The following ELMO1 variants were observed in gnomAD, a reference collection of about 807,000 sequenced individuals.
ELMO1 encodes engulfment and cell motility 1.
In ELMO1, 26 loss-of-function variants were observed where a neutral mutation model predicts 98.9. That is an observed-to-expected ratio of 0.26 (90% confidence interval 0.19 to 0.36). The LOEUF (loss-of-function observed/expected upper bound fraction) is 0.36, where lower values mean the gene tolerates loss of function less well. Ranked by LOEUF, ELMO1 falls within the 10% of genes least tolerant of loss-of-function variation. The probability of loss-of-function intolerance (pLI) is 1.00; values close to 1 mark genes in which losing one functional copy is unlikely to be tolerated. For synonymous variants in ELMO1, 346 were observed against 346.0 expected, an observed-to-expected ratio of 1.00 and a Z score of 0.00; for missense variants, 627 against 935.2, an observed-to-expected ratio of 0.67 and a Z score of 4.30.
chr7:37,441,003 A>C (rs1003667039), intron 1 of ELMO1, among the ~76,000 whole-genome samples: 5 of 152,080 alleles, frequency 3.3e-5, no homozygotes, highest in Admixed American at 2.6e-4. Context: ...CCAAAAACAA[A>C]AAAAAAATTA....
At chr7:37,035,718 G>A (rs944227353) in intron 15 of ELMO1, among the ~76,000 whole-genome samples, 3 of 152,162 alleles carry the variant, frequency 2.0e-5, no homozygotes, top group Non-Finnish European at 4.4e-5. Context: ...AGGCTTAAAG[G>A]ATTACACTAA....
chr7:37,309,571 G>A (rs575146216), intron 4 of ELMO1, among the ~76,000 whole-genome samples: 14 of 152,324 alleles, frequency 9.2e-5, no homozygotes, highest in African/African-American at 2.4e-4. Context: ...AAGGCAGCAC[G>A]AAAGGGAATG....
chr7:37,335,316 G>A (rs971499548), intron 2 of ELMO1, among the ~76,000 whole-genome samples: 3 of 152,072 alleles, frequency 2.0e-5, no homozygotes, highest in Admixed American at 2.0e-4. Flanking sequence ...GGGCATTCAA[G>A]GTGGCATACT....
chr7:37,315,843 T>C, intron 3 of ELMO1, 77 bp downstream of exon 3: 1 of 1,275,092 alleles, frequency 7.8e-7, no homozygotes. Flanking sequence ...AATATTTTAC[T>C]ATCCTACTGG....
chr7:37,044,011 G>A (rs1222616416), intron 15 of ELMO1, among the ~76,000 whole-genome samples: 1 of 152,146 alleles, frequency 6.6e-6, no homozygotes. Context: ...CAGACTCAAC[G>A]AGGAGGAGGG....
chr7:37,114,637 A>G (rs1325161338), intron 14 of ELMO1, among the ~76,000 whole-genome samples: 2 of 152,218 alleles, frequency 1.3e-5, no homozygotes, highest in Non-Finnish European at 2.9e-5. Context: ...CAAAATATCA[A>G]TGAGGAATTC....
chr7:37,172,441 G>A (rs1157778767), intron 13 of ELMO1, among the ~76,000 whole-genome samples: 1 of 152,138 alleles, frequency 6.6e-6, no homozygotes, highest in Non-Finnish European at 1.5e-5. Context: ...AAGTCTAAGT[G>A]AGACATTTCA....
intron 13 of ELMO1, among the ~76,000 whole-genome samples, chr7:37,168,524 G>GTCCTTTTTTGTTGATGTTGATGCTAT (rs1789901473): frequency 6.6e-6 from 1 of 151,778 alleles, no homozygotes; most frequent in Non-Finnish European, 1.5e-5. Context: ...TGGTGTGGAT[G>GTCCTTTTTTGTTGATGTTGATGCTAT]TCCTTTCTGT....
chr7:37,174,359 G>A (rs747631609), intron 13 of ELMO1, among the ~76,000 whole-genome samples: 2 of 152,174 alleles, frequency 1.3e-5, no homozygotes, highest in African/African-American at 2.4e-5. Flanking sequence ...TTGGGGTTTA[G>A]AGAACTCTAT....
intron 16 of ELMO1, chr7:36,919,274 C>T (rs1050205756): frequency 4.4e-6 from 2 of 450,220 alleles, no homozygotes; most frequent in Admixed American, 4.4e-5. Context: ...ATGTCTATTA[C>T]ATTTCCCACA....
intron 16 of ELMO1, among the ~76,000 whole-genome samples, chr7:36,991,301 C>G (rs78117338): frequency 6.6e-6 from 1 of 152,272 alleles, no homozygotes; most frequent in East Asian, 1.9e-4. Flanking sequence ...ACACTGATAT[C>G]GTTTCCATAA....
intron 1 of ELMO1, among the ~76,000 whole-genome samples, chr7:37,446,358 A>T (rs901602209): frequency 2.6e-5 from 4 of 152,208 alleles, no homozygotes; most frequent in African/African-American, 9.7e-5. Flanking sequence ...GCCAGGGAGT[A>T]AAAGGTACTA....
intron 8 of ELMO1, among the ~76,000 whole-genome samples, chr7:37,231,352 C>G (rs960296460): frequency 2.7e-5 from 4 of 150,616 alleles, no homozygotes; most frequent in Non-Finnish European, 5.9e-5. Context: ...AAAAGCAGCA[C>G]GTTTACAGTG....
At chr7:36,863,417 G>A (rs1236928165) in intron 20 of ELMO1, among the ~76,000 whole-genome samples, 2 of 151,970 alleles carry the variant, frequency 1.3e-5, no homozygotes, top group African/African-American at 2.4e-5. Flanking sequence ...CTTACTATTA[G>A]TACTATAAAT....
chr7:37,163,828 C>T (rs1277128914), intron 13 of ELMO1, among the ~76,000 whole-genome samples: 8 of 152,048 alleles, frequency 5.3e-5, no homozygotes, highest in African/African-American at 9.7e-5. Flanking sequence ...AGCAGCATGA[C>T]TTATAGTCCT....
chr7:37,338,308 A>C (rs1293855105), intron 2 of ELMO1, among the ~76,000 whole-genome samples: 1 of 152,154 alleles, frequency 6.6e-6, no homozygotes, highest in Non-Finnish European at 1.5e-5. Flanking sequence ...TGTCTCCCCA[A>C]AATTCATCTG....
chr7:37,134,155 T>C (rs888551158), intron 13 of ELMO1, among the ~76,000 whole-genome samples: 1 of 152,138 alleles, frequency 6.6e-6, no homozygotes, highest in Non-Finnish European at 1.5e-5. Context: ...AATGCTTATA[T>C]ACTGTTGATG....
intron 15 of ELMO1, among the ~76,000 whole-genome samples, chr7:37,061,663 G>T (rs767144153): frequency 9.2e-5 from 14 of 152,008 alleles, no homozygotes; most frequent in Non-Finnish European, 1.9e-4. Flanking sequence ...TTAGCAATGG[G>T]GTACCCTAAG....
intron 16 of ELMO1, among the ~76,000 whole-genome samples, chr7:36,932,653 G>C (rs1786145367): frequency 6.6e-6 from 1 of 152,198 alleles, no homozygotes; most frequent in African/African-American, 2.4e-5. Context: ...CAGGCTGAGA[G>C]GATCAGAGAG....
Sources: gnomAD v4.1 joint callset for allele counts (sites outside exome capture counted in the v4.1 genomes callset) on GRCh38, gnomAD v4.1.1 for gene constraint, MANE v1.5 for transcripts, NCBI Gene and HGNC (gene_info 2026-07-23, HGNC 2026-07-21) for gene names.